ZFHX3: variants seen among roughly 807,000 people sequenced by gnomAD.
ZFHX3 encodes the protein zinc finger homeobox protein 3.
Under a neutral mutation model 279.1 loss-of-function variants are expected in ZFHX3, and 42 were observed. That is an observed-to-expected ratio of 0.15 (90% CI 0.12 to 0.19). The LOEUF is 0.19. Ranked by LOEUF, ZFHX3 falls within the 10% of genes least tolerant of loss-of-function variation. The pLI, the probability that ZFHX3 is intolerant of heterozygous loss-of-function variation, is 1.00. For synonymous variants in ZFHX3, 2,293 were observed against 1,957.8 expected (o/e 1.17, Z -4.52); for missense variants, 4,981 against 4,754.0 (o/e 1.05, Z -1.40).
At chr16:73,719,903 C>A (rs1461403885) in intron 1 of ZFHX3, among the ~76,000 whole-genome samples, 5 of 151,564 alleles carry the variant, frequency 3.3e-5, no homozygotes, top group African/African-American at 1.2e-4. Flanking sequence ...AAAGTTATTT[C>A]ATTTAATTCT....
chr16:73,509,325 A>G lies in ZFHX3; in HGVS notation c.-1546-53067T>C, dbSNP rs191426081. On this transcript the variant is annotated intron_variant, in intron 2 of 17. Coordinates refer to the ZFHX3 transcript ENST00000641206. ...ACCCGGTTCTCATCTCTTCTTCACT[A>G]TGTTTCCCTACCAACTTCCCTTCTC... Among the ~76,000 whole-genome samples, 729 of 151,926 alleles carry G rather than the reference A, an allele frequency of 4.8e-3. 6 individuals are homozygous for G. The highest frequency in any genetic ancestry group is 6.8e-3 in the Middle Eastern group (2 of 294).
At chr16:73,595,291 C>T (rs2052037252) in intron 2 of ZFHX3, among the ~76,000 whole-genome samples, 1 of 152,172 alleles carries the variant, frequency 6.6e-6, no homozygotes, top group Admixed American at 6.5e-5. Flanking sequence ...ATCCCATGGG[C>T]CAGATGATGG....
intron 2 of ZFHX3, among the ~76,000 whole-genome samples, chr16:73,534,239 C>A (rs1245978590): frequency 1.3e-5 from 2 of 152,144 alleles, no homozygotes; most frequent in Non-Finnish European, 2.9e-5. Context: ...CACTTTAGGG[C>A]CTTTGTACTT....
chr16:73,038,025 C>T (rs1046153404), intron 1 of ZFHX3, among the ~76,000 whole-genome samples: 1 of 152,210 alleles, frequency 6.6e-6, no homozygotes, highest in Admixed American at 6.5e-5. Flanking sequence ...ACATACATCA[C>T]CCTTCTTAGA....
intron 1 of ZFHX3, among the ~76,000 whole-genome samples, chr16:72,984,003 T>A (rs1597053844): frequency 1.3e-5 from 2 of 152,202 alleles, no homozygotes; most frequent in African/African-American, 4.8e-5. Flanking sequence ...CTGTTTTGCA[T>A]GAACCCTTGA....
chr16:73,178,478 C>G (rs73595285), intron 5 of ZFHX3, among the ~76,000 whole-genome samples: 1,831 of 152,168 alleles, frequency 0.012, 36 homozygotes, highest in African/African-American at 0.041. Flanking sequence ...TGCCCCTACC[C>G]CAAAGACTCC....
At chr16:73,299,820 A>T (rs1176144721) in intron 4 of ZFHX3, among the ~76,000 whole-genome samples, 2 of 152,212 alleles carry the variant, frequency 1.3e-5, no homozygotes, top group East Asian at 3.8e-4. Context: ...TATGCTTCTA[A>T]GTCAATTCTC....
chr16:73,354,241 A>G (rs2016296353), intron 3 of ZFHX3, among the ~76,000 whole-genome samples: 1 of 152,196 alleles, frequency 6.6e-6, no homozygotes, highest in East Asian at 1.9e-4. Flanking sequence ...CTGGCATCTT[A>G]TATTTCATCT....
At chr16:72,937,407 C>T (rs1355484807) in intron 3 of ZFHX3, among the ~76,000 whole-genome samples, 4 of 152,136 alleles carry the variant, frequency 2.6e-5, no homozygotes, top group African/African-American at 7.2e-5. Context: ...AAAGGTCCGG[C>T]GAATTAGGAC....
At chr16:73,318,727 C>T (rs187922459) in intron 3 of ZFHX3, among the ~76,000 whole-genome samples, 47 of 152,222 alleles carry the variant, frequency 3.1e-4, no homozygotes, top group African/African-American at 1.0e-3. Context: ...GGTACAGCTT[C>T]GCGGTGTCAT....
intron 2 of ZFHX3, among the ~76,000 whole-genome samples, chr16:73,492,552 A>G (rs1440212086): frequency 6.6e-6 from 1 of 152,202 alleles, no homozygotes; most frequent in Non-Finnish European, 1.5e-5. Context: ...TTTCAAACCC[A>G]GGTCTTCCTG....
At chr16:73,726,905 C>A (rs1265288427) in intron 1 of ZFHX3, among the ~76,000 whole-genome samples, 1 of 152,222 alleles carries the variant, frequency 6.6e-6, no homozygotes, top group Non-Finnish European at 1.5e-5. Context: ...CCATTAGATT[C>A]CAGTAGCACA....
At chr16:72,946,721 G>A (rs1960696618) in intron 3 of ZFHX3, among the ~76,000 whole-genome samples, 1 of 152,186 alleles carries the variant, frequency 6.6e-6, no homozygotes, top group African/African-American at 2.4e-5. Context: ...CGTGGGAGAG[G>A]GCAGAGGGCA....
chr16:73,637,330 C>G (rs1267632064), intron 2 of ZFHX3, among the ~76,000 whole-genome samples: 1 of 148,870 alleles, frequency 6.7e-6, no homozygotes, highest in East Asian at 2.0e-4. Flanking sequence ...CTCCCAGATT[C>G]AAGTGATTCT....
Position 72,793,042 on chromosome 16 carries a change from A to G in ZFHX3, c.9427+213T>C, listed in dbSNP as rs1383591908. On this transcript the variant is annotated intron_variant, in intron 9 of 9. Transcript: ENST00000268489. The surrounding 1 kb of genome is among the most constrained non-coding windows in gnomAD (Gnocchi z 4.3). ...ATTATAGGGGATAAGAGTGGTTTCA[A>G]AGGAGACTGTTCCGACCAGGAGGTC... Among the ~76,000 whole-genome samples, 5 of 152,224 alleles carry G rather than the reference A, an allele frequency of 3.3e-5. No individual in the cohort carries two copies. In the East Asian group the frequency reaches 9.6e-4, roughly 29 times the overall value.
intron 2 of ZFHX3, among the ~76,000 whole-genome samples, chr16:73,483,970 TAATAC>T: frequency 6.8e-6 from 1 of 147,874 alleles, no homozygotes; most frequent in Non-Finnish European, 1.5e-5. Flanking sequence ...ATTGTGTTGT[TAATAC>T]CTCTCCATTT....
intron 5 of ZFHX3, among the ~76,000 whole-genome samples, chr16:73,194,903 A>ACT (rs1431366001): frequency 6.6e-6 from 1 of 152,114 alleles, no homozygotes; most frequent in Non-Finnish European, 1.5e-5. Context: ...TTTATGAAGA[A>ACT]CTCTCTTAAG....
intron 2 of ZFHX3, among the ~76,000 whole-genome samples, chr16:73,512,449 A>G (rs977932438): frequency 1.0e-4 from 15 of 143,296 alleles, no homozygotes; most frequent in African/African-American, 3.6e-4. Flanking sequence ...TCCGTCTCAA[A>G]AGAAAAAAAA....
chr16:73,124,370 A>G (rs1966535840), intron 7 of ZFHX3, among the ~76,000 whole-genome samples: 1 of 152,108 alleles, frequency 6.6e-6, no homozygotes, highest in Non-Finnish European at 1.5e-5. Context: ...GGTCTCTTTT[A>G]TAAGATCACT....
Sources: allele counts gnomAD v4.1 joint callset (sites outside exome capture counted in the v4.1 genomes callset), GRCh38; gene constraint gnomAD v4.1.1; non-coding constraint Gnocchi (gnomAD v3.1); transcripts MANE v1.5; gene names NCBI Gene and HGNC (gene_info 2026-07-23, HGNC 2026-07-21).